The following TMEM163 variants were observed in gnomAD, a reference collection of about 807,000 sequenced individuals.
TMEM163 encodes the protein transmembrane protein 163.
A neutral mutation model predicts 29.3 loss-of-function variants in TMEM163; 17 were observed. The observed-to-expected ratio is 0.58, with a 90% CI of 0.40 to 0.87. TMEM163 has a LOEUF of 0.87. Ranked by LOEUF, TMEM163 falls within the 40% of genes least tolerant of loss-of-function variation. The pLI, the probability that TMEM163 is intolerant of heterozygous loss-of-function variation, is 0.00. For synonymous variants in TMEM163, 157 were observed against 160.6 expected (o/e 0.98, Z 0.17); for missense variants, 303 against 381.5 (o/e 0.79, Z 1.71).
At chr2:134,481,509 C>T (rs1337694671) in intron 5 of TMEM163, among the ~76,000 whole-genome samples, 8 of 152,176 alleles carry the variant, frequency 5.3e-5, no homozygotes, top group Non-Finnish European at 7.4e-5. Context: ...GTGCCTTTCA[C>T]CTTCCACCAT....
At chr2:134,657,841 T>C (rs1683654910) in intron 2 of TMEM163, among the ~76,000 whole-genome samples, 1 of 151,942 alleles carries the variant, frequency 6.6e-6, no homozygotes. Context: ...CAACAGACAC[T>C]GGAGGCCACT....
chr2:134,686,750 G>A (rs555290423), intron 2 of TMEM163, among the ~76,000 whole-genome samples: 1 of 152,312 alleles, frequency 6.6e-6, no homozygotes, highest in South Asian at 2.1e-4. Flanking sequence ...TACCCTACTT[G>A]CAAGGTAACA....
rs149787627 is a variant in TMEM163, at chr2:134,605,774, T to G, written c.323-53683A>C. 3.5e-4 allele frequency among the ~76,000 whole-genome samples: 53 copies of G among 152,086 alleles called. No homozygotes were observed. The East Asian group carries it at 0.01, about 29-fold the overall frequency. On this transcript the variant is annotated intron_variant, in intron 2 of 7. Coordinates refer to ENST00000281924, the MANE Select transcript of TMEM163 (RefSeq NM_030923.5). ...AAAAAGAAAAGAAAAGATGTGACAC[T>G]GATTGAGTCTGAGAAAAAATAGGCC...
chr2:134,624,001 C>A (rs905143189), intron 2 of TMEM163, among the ~76,000 whole-genome samples: 6 of 152,162 alleles, frequency 3.9e-5, no homozygotes, highest in Non-Finnish European at 5.9e-5. Flanking sequence ...CCACAGAAAC[C>A]TTCCGCCCCA....
intron 2 of TMEM163, among the ~76,000 whole-genome samples, chr2:134,712,735 C>T (rs929212301): frequency 2.0e-5 from 3 of 152,202 alleles, no homozygotes; most frequent in African/African-American, 4.8e-5. Context: ...AGAAGACCCT[C>T]CCATTTTCCT....
intron 5 of TMEM163, chr2:134,469,418 T>G (rs996763775): frequency 6.6e-6 from 1 of 151,990 alleles, no homozygotes; most frequent in East Asian, 1.9e-4. Flanking sequence ...AACCCCTCCC[T>G]CCCTCCACTG....
intron 2 of TMEM163, among the ~76,000 whole-genome samples, chr2:134,655,155 T>C (rs201701360): frequency 2.2e-5 from 3 of 139,370 alleles, no homozygotes; most frequent in Non-Finnish European, 4.6e-5. Flanking sequence ...TCCAACTTGG[T>C]TCCATTCTCA....
chr2:134,507,590 GT>G (rs1679852709), intron 4 of TMEM163, among the ~76,000 whole-genome samples: 1 of 152,162 alleles, frequency 6.6e-6, no homozygotes, highest in Non-Finnish European at 1.5e-5. Context: ...AATAGGCCGG[GT>G]GTGGTGGCTC....
At position 134,606,246 on chromosome 2, in the gene TMEM163, G is replaced by A. The variant is rs530770864; in HGVS notation, c.323-54155C>T. Among the ~76,000 whole-genome samples the A allele has an allele frequency of 4.6e-5, 7 of 151,748 alleles. No individual in the cohort carries two copies. The South Asian group carries it at 6.3e-4, about 14-fold the overall frequency. On this transcript the variant is annotated intron_variant, in intron 2 of 7. Coordinates refer to ENST00000281924, the MANE Select transcript of TMEM163 (RefSeq NM_030923.5). ...CAGCACCTGCCCCCATGAATCCCACGCTCTAGCATTAAGACTTCTGCCCTC... is the reference window on the plus strand; with the variant it reads ...CAGCACCTGCCCCCATGAATCCCACACTCTAGCATTAAGACTTCTGCCCTC...
At chr2:134,624,005 C>T (rs1001876114) in intron 2 of TMEM163, among the ~76,000 whole-genome samples, 4 of 152,262 alleles carry the variant, frequency 2.6e-5, no homozygotes, top group East Asian at 1.9e-4. Context: ...AGAAACCTTC[C>T]GCCCCAGAAC....
At chr2:134,575,680 C>T (rs974301815) in intron 2 of TMEM163, among the ~76,000 whole-genome samples, 1 of 152,162 alleles carries the variant, frequency 6.6e-6, no homozygotes, top group African/African-American at 2.4e-5. Flanking sequence ...AGCTCCCTAC[C>T]AAACCGGACC....
chr2:134,586,453 G>A lies in TMEM163; in HGVS notation c.323-34362C>T, dbSNP rs570473047. ...CGCTGATCACTGCCTCCATTTTCAC[G>A]TGGCATTCTCTTTGCGTGCGTATCT... On this transcript the variant is annotated intron_variant, in intron 2 of 7. Coordinates refer to ENST00000281924, the MANE Select transcript of TMEM163 (RefSeq NM_030923.5). Among the ~76,000 whole-genome samples, 181 of 152,232 alleles carry A rather than the reference G, an allele frequency of 1.2e-3. 2 individuals carry two copies. Among genetic ancestry groups the A allele is most frequent in the African/African-American group, 3.9e-3 (160 of 41,536 alleles).
chr2:134,612,542 A>AACACACACACACACAC (rs3039625), intron 2 of TMEM163, among the ~76,000 whole-genome samples: 2,598 of 140,610 alleles, frequency 0.018, 58 homozygotes, highest in South Asian at 0.055. Context: ...GGTTTGCCCC[A>AACACACACACACACAC]ACACACACAC....
At chr2:134,528,894 C>T (rs527907264) in intron 4 of TMEM163, among the ~76,000 whole-genome samples, 20 of 152,220 alleles carry the variant, frequency 1.3e-4, no homozygotes, top group Admixed American at 1.1e-3. Context: ...TGGTTAATAA[C>T]GGTGCATCAA....
chr2:134,478,205 A>G (rs893420706), intron 5 of TMEM163, among the ~76,000 whole-genome samples: 1 of 152,180 alleles, frequency 6.6e-6, no homozygotes, highest in Non-Finnish European at 1.5e-5. Flanking sequence ...CTGTAGAACC[A>G]TGAGTCAGTT....
chr2:134,626,530 T>C (rs1412334107), intron 2 of TMEM163, among the ~76,000 whole-genome samples: 3 of 152,180 alleles, frequency 2.0e-5, no homozygotes, highest in Non-Finnish European at 2.9e-5. Flanking sequence ...TAAAGGAGCA[T>C]TGTGGTTGCG....
At chr2:134,518,387 C>T (rs1455628204) in intron 4 of TMEM163, among the ~76,000 whole-genome samples, 1 of 152,176 alleles carries the variant, frequency 6.6e-6, no homozygotes, top group Admixed American at 6.5e-5. Context: ...ATCACTAGTA[C>T]AAGTAAAAGA....
intron 4 of TMEM163, among the ~76,000 whole-genome samples, chr2:134,547,947 A>G (rs2106506356): frequency 6.6e-6 from 1 of 152,366 alleles, no homozygotes; most frequent in East Asian, 1.9e-4. Flanking sequence ...ACGCTATAGA[A>G]AAGCCACAAT....
chr2:134,478,574 A>G (rs1686972354), intron 5 of TMEM163, among the ~76,000 whole-genome samples: 1 of 152,228 alleles, frequency 6.6e-6, no homozygotes. Context: ...GACTTAAGGT[A>G]TGTAGGTTGA....
Sources: allele counts gnomAD v4.1 joint callset (sites outside exome capture counted in the v4.1 genomes callset), GRCh38; gene constraint gnomAD v4.1.1; transcripts MANE v1.5; gene names NCBI Gene and HGNC (gene_info 2026-07-23, HGNC 2026-07-21).